HHAT: variants seen among roughly 807,000 people sequenced by gnomAD.
HHAT encodes protein-cysteine N-palmitoyltransferase HHAT.
Under a neutral mutation model 70.8 loss-of-function variants are expected in HHAT, and 47 were observed. That is an observed-to-expected ratio of 0.66 (90% CI 0.53 to 0.85). The LOEUF (loss-of-function observed/expected upper bound fraction) is 0.85. Ranked by LOEUF, HHAT falls within the 40% of genes least tolerant of loss-of-function variation. HHAT has a pLI of 0.00. For synonymous variants in HHAT, 228 were observed against 247.6 expected, an observed-to-expected ratio of 0.92 and a Z score of 0.74; for missense variants, 609 against 604.8, an observed-to-expected ratio of 1.01 and a Z score of -0.07.
At chr1:210,391,658 T>C (rs1041361617) in intron 4 of HHAT, among the ~76,000 whole-genome samples, 8 of 152,242 alleles carry the variant, frequency 5.3e-5, no homozygotes, top group African/African-American at 1.9e-4. Context: ...AATTCATTAG[T>C]AATCAAACAA....
chr1:210,505,296 A>G (rs747261517), intron 8 of HHAT, among the ~76,000 whole-genome samples: 2 of 152,210 alleles, frequency 1.3e-5, no homozygotes, highest in Non-Finnish European at 1.5e-5. Flanking sequence ...TGATGTCATC[A>G]GGAAGCCTAT....
intron 9 of HHAT, among the ~76,000 whole-genome samples, chr1:210,538,040 C>T (rs1573133865): frequency 1.4e-5 from 2 of 147,510 alleles, no homozygotes; most frequent in African/African-American, 5.0e-5. Context: ...TATTACAAGG[C>T]TTTTTTTTCC....
At chr1:210,670,612 A>G (rs932959385) in intron 11 of HHAT, among the ~76,000 whole-genome samples, 6 of 152,186 alleles carry the variant, frequency 3.9e-5, no homozygotes, top group African/African-American at 1.2e-4. Context: ...ATCACCATTC[A>G]TGATGATTCT....
intron 9 of HHAT, among the ~76,000 whole-genome samples, chr1:210,561,150 C>G (rs1460649786): frequency 6.6e-6 from 1 of 152,188 alleles, no homozygotes; most frequent in Non-Finnish European, 1.5e-5. Context: ...CTTCACTGGC[C>G]TGTACCCTTG....
At chr1:210,445,489 G>C (rs887549746) in intron 7 of HHAT, among the ~76,000 whole-genome samples, 14 of 152,020 alleles carry the variant, frequency 9.2e-5, no homozygotes, top group Admixed American at 6.5e-4. Context: ...TGGCTTTACT[G>C]TAATTTAGTT....
At chr1:210,336,441 T>A (rs1341944024) in intron 1 of HHAT, among the ~76,000 whole-genome samples, 1 of 151,946 alleles carries the variant, frequency 6.6e-6, no homozygotes, top group Admixed American at 6.6e-5. Context: ...CGTGCAGTTT[T>A]TATCTCAGTG....
At chr1:210,446,270 G>A (rs1457736745) in intron 7 of HHAT, among the ~76,000 whole-genome samples, 4 of 152,246 alleles carry the variant, frequency 2.6e-5, no homozygotes, top group Admixed American at 6.5e-5. Context: ...TGAACCTACC[G>A]CTTATATATA....
intron 10 of HHAT, among the ~76,000 whole-genome samples, chr1:210,616,776 A>T (rs541196204): frequency 6.6e-6 from 1 of 152,360 alleles, no homozygotes; most frequent in East Asian, 1.9e-4. Flanking sequence ...TATATAATTC[A>T]GGTAAGTTAC....
In HHAT at chr1:210,401,376, A is replaced by G. The variant is rs539630425; in HGVS notation, c.468+714A>G. Among the ~76,000 whole-genome samples, 385 of 152,292 alleles carry G rather than the reference A, an allele frequency of 2.5e-3. 1 individual carries two copies. Among genetic ancestry groups the G allele is most frequent in the African/African-American group, 9.0e-3 (375 of 41,570 alleles). Reference sequence around the variant, plus strand: ...TGATCTGCCCACCTTGGCCTCCCCAAAGTGCTGGGATTACAGGTATAAGCC... The same window carrying G: ...TGATCTGCCCACCTTGGCCTCCCCAGAGTGCTGGGATTACAGGTATAAGCC... On this transcript the variant is annotated intron_variant, in intron 5 of 11. Transcript: ENST00000261458.
chr1:210,556,177 T>G (rs935480600), intron 9 of HHAT, among the ~76,000 whole-genome samples: 2 of 152,124 alleles, frequency 1.3e-5, no homozygotes, highest in East Asian at 3.9e-4. Context: ...GGAGGGCGTG[T>G]AAATTGCAGC....
chr1:210,580,461 A>G (rs1268364848), intron 9 of HHAT, among the ~76,000 whole-genome samples: 1 of 148,860 alleles, frequency 6.7e-6, no homozygotes, highest in Non-Finnish European at 1.5e-5. Flanking sequence ...TGCTGCACCT[A>G]TTGACCTGTC....
At chr1:210,428,872 A>G (rs1194380723) in intron 7 of HHAT, among the ~76,000 whole-genome samples, 1 of 151,566 alleles carries the variant, frequency 6.6e-6, no homozygotes, top group African/African-American at 2.4e-5. Context: ...GCTACTCAGG[A>G]GGCTGAGATG....
rs1680987035 is a variant in HHAT, at chr1:210,675,748, G to A, written c.*1369G>A. 1 of 152,370 alleles carries A rather than the reference G, an allele frequency of 6.6e-6. No individual in the cohort carries two copies. The highest frequency in any genetic ancestry group is 1.5e-5 in the Non-Finnish European group (1 of 68,088). The allele number at this position is 152,370 out of a possible 1,614,324, so 9.4% of individuals were successfully genotyped here. Reference sequence around the variant, plus strand: ...GCTTCTCTGCTTGGCAAAGAGATGGGAGGGGGCCAGATACTGACTACCTGG... The same window carrying A: ...GCTTCTCTGCTTGGCAAAGAGATGGAAGGGGGCCAGATACTGACTACCTGG... On this transcript the variant is annotated 3_prime_UTR_variant, in exon 12 of 12. Coordinates refer to ENST00000261458, the MANE Select transcript of HHAT (RefSeq NM_018194.6).
intron 8 of HHAT, among the ~76,000 whole-genome samples, chr1:210,508,026 C>T (rs12118202): frequency 0.18 from 26,818 of 150,632 alleles, 2,567 homozygotes; most frequent in South Asian, 0.35. Flanking sequence ...GGTGAAACCC[C>T]ATCTCTACTA....
At chr1:210,428,334 A>G (rs1414739045) in intron 7 of HHAT, among the ~76,000 whole-genome samples, 1 of 52,224 alleles carries the variant, frequency 1.9e-5, no homozygotes, top group African/African-American at 7.2e-5. Context: ...ATATATATAT[A>G]TATATATATA....
intron 10 of HHAT, among the ~76,000 whole-genome samples, chr1:210,608,472 C>T (rs760339481): frequency 1.7e-4 from 26 of 152,022 alleles, no homozygotes; most frequent in Non-Finnish European, 3.4e-4. Flanking sequence ...AAATTGTGTC[C>T]TGATTTCTGC....
chr1:210,595,299 C>T (rs989839544), intron 10 of HHAT, among the ~76,000 whole-genome samples: 3 of 152,160 alleles, frequency 2.0e-5, no homozygotes, highest in African/African-American at 7.2e-5. Context: ...ATGAACTCAT[C>T]ATTTTTTATG....
intron 11 of HHAT, among the ~76,000 whole-genome samples, chr1:210,654,375 C>T (rs1675938664): frequency 6.6e-6 from 1 of 152,188 alleles, no homozygotes; most frequent in Non-Finnish European, 1.5e-5. Flanking sequence ...ATGCCTGGGT[C>T]CCTCCCTCCA....
chr1:210,588,897 T>C (rs188675581), intron 10 of HHAT: 3 of 152,318 alleles, frequency 2.0e-5, no homozygotes, highest in Admixed American at 1.3e-4. Flanking sequence ...AGTTCAACTT[T>C]ACAGGAAAAT....
Sources: allele counts gnomAD v4.1 joint callset (sites outside exome capture counted in the v4.1 genomes callset), GRCh38; gene constraint gnomAD v4.1.1; transcripts MANE v1.5; gene names NCBI Gene and HGNC (gene_info 2026-07-23, HGNC 2026-07-21).